Variants in RIMOC1 observed in about 807,000 individuals in gnomAD.
RIMOC1 encodes the protein RAB7A-interacting MON1-CCZ1 complex subunit 1.
the RIMOC1 span, chr5:41,919,567 G>A: frequency 1.3e-5 from 2 of 152,104 alleles, no homozygotes; most frequent in East Asian, 1.9e-4. Context: ...TTTTTAATAC[G>A]GTTTTTAGAA....
chr5:41,906,757 T>C, the RIMOC1 span, among the ~76,000 whole-genome samples: 3 of 152,330 alleles, frequency 2.0e-5, no homozygotes, highest in Admixed American at 1.3e-4. Flanking sequence ...AACCTGATGG[T>C]GCTTTTGCTC....
the RIMOC1 span, chr5:41,911,215 A>G: frequency 1.9e-6 from 3 of 1,579,308 alleles, no homozygotes; most frequent in South Asian, 3.5e-5. Context: ...TTCATTGTTG[A>G]CATTTAGAGG....
At chr5:41,909,784 A>G in the RIMOC1 span, 2 of 1,584,652 alleles carry the variant, frequency 1.3e-6, no homozygotes, top group Non-Finnish European at 8.6e-7. Flanking sequence ...AGAACAAGCT[A>G]GTAGATGAAG....
chr5:41,912,293 C>A, the RIMOC1 span: 18 of 649,124 alleles, frequency 2.8e-5, no homozygotes, highest in East Asian at 1.4e-4. Flanking sequence ...AGATTATAGA[C>A]AAAAAAGTAA....
the RIMOC1 span, among the ~76,000 whole-genome samples, chr5:41,914,633 G>A: frequency 6.6e-6 from 1 of 151,884 alleles, no homozygotes; most frequent in South Asian, 2.1e-4. Context: ...AGCCAGGCGT[G>A]GTGGTGCATG....
the RIMOC1 span, among the ~76,000 whole-genome samples, chr5:41,914,646 T>C: frequency 6.6e-6 from 1 of 151,022 alleles, no homozygotes; most frequent in East Asian, 1.9e-4. Context: ...GGTGCATGAC[T>C]GTAGTTCCAG....
chr5:41,918,201 G>T, the RIMOC1 span: 1 of 985,820 alleles, frequency 1.0e-6, no homozygotes. Flanking sequence ...CTTCTGCCCA[G>T]TGACTTTATT....
At chr5:41,919,633 C>G in the RIMOC1 span, 6 of 152,266 alleles carry the variant, frequency 3.9e-5, no homozygotes, top group Admixed American at 1.3e-4. Context: ...ACTTCCACTT[C>G]TTCCCTAAAT....
At chr5:41,917,189 A>G in the RIMOC1 span, 1 of 1,613,772 alleles carries the variant, frequency 6.2e-7, no homozygotes, top group Non-Finnish European at 8.5e-7. Context: ...AGTAGGAGAA[A>G]AAATCTTGAA....
chr5:41,915,648 C>T, the RIMOC1 span, among the ~76,000 whole-genome samples: 4 of 152,056 alleles, frequency 2.6e-5, no homozygotes, highest in Non-Finnish European at 5.9e-5. Flanking sequence ...GAAGTGAAAG[C>T]GGAAACCCCT....
At chr5:41,907,647 G>A in the RIMOC1 span, 1 of 702,926 alleles carries the variant, frequency 1.4e-6, no homozygotes. Context: ...ATTTCATCTT[G>A]TCATTTCATC....
the RIMOC1 span, chr5:41,911,152 C>T: frequency 6.2e-7 from 1 of 1,605,498 alleles, no homozygotes; most frequent in South Asian, 1.1e-5. Flanking sequence ...GAGAGTGGCT[C>T]TTAAGAAAAT....
chr5:41,906,374 G>C, the RIMOC1 span, among the ~76,000 whole-genome samples: 1 of 152,230 alleles, frequency 6.6e-6, no homozygotes, highest in South Asian at 2.1e-4. Flanking sequence ...TTTCCAAAGT[G>C]TGAGTTATGC....
At chr5:41,920,043 T>C in the RIMOC1 span, 1 of 152,172 alleles carries the variant, frequency 6.6e-6, no homozygotes, top group Non-Finnish European at 1.5e-5. Flanking sequence ...TCTATACCAG[T>C]GGCTGACAAG....
chr5:41,908,768 C>A, the RIMOC1 span, among the ~76,000 whole-genome samples: 1 of 152,084 alleles, frequency 6.6e-6, no homozygotes, highest in Non-Finnish European at 1.5e-5. Flanking sequence ...TTTTAACTTA[C>A]TGGAATAAGG....
chr5:41,916,984 T>A, the RIMOC1 span: 9 of 1,537,188 alleles, frequency 5.9e-6, no homozygotes, highest in Non-Finnish European at 7.9e-6. Flanking sequence ...AAGCTTTTAA[T>A]TCTAATCTGT....
chr5:41,904,536 G>C, the RIMOC1 span: 1 of 1,426,550 alleles, frequency 7.0e-7, no homozygotes, highest in Non-Finnish European at 9.7e-7. Flanking sequence ...CGATGGCTGT[G>C]AGGGCTAGAG....
At chr5:41,917,197 GA>G in the RIMOC1 span, 1 of 1,613,734 alleles carries the variant, frequency 6.2e-7, no homozygotes, top group Non-Finnish European at 8.5e-7. Context: ...AAAAAATCTT[GA>G]AAAAGTATGT....
the RIMOC1 span, chr5:41,917,326 G>A: frequency 6.4e-7 from 1 of 1,551,920 alleles, no homozygotes; most frequent in Non-Finnish European, 8.7e-7. Flanking sequence ...TTTTCAAATA[G>A]AAAAACAACA....
Sources: gnomAD v4.1 joint callset for allele counts (sites outside exome capture counted in the v4.1 genomes callset) on GRCh38, gnomAD v4.1.1 for gene constraint, MANE v1.5 for transcripts, NCBI Gene and HGNC (gene_info 2026-07-23, HGNC 2026-07-21) for gene names.